The following FOXJ3 variants were observed in gnomAD, a reference collection of about 807,000 sequenced individuals.
The protein encoded by FOXJ3 is forkhead box J3.
A neutral mutation model predicts 76.1 loss-of-function variants in FOXJ3; 22 were observed. The ratio of observed to expected loss-of-function variants is 0.29; its 90% CI spans 0.21 to 0.41. The LOEUF is 0.41. FOXJ3 is among the 10% of genes least tolerant of loss of function. The pLI is 1.00. For missense variants in FOXJ3, 613 were observed against 762.1 expected (o/e 0.80, Z 2.30); for synonymous variants, 269 against 261.2 (o/e 1.03, Z -0.29).
chr1:42,189,098 T>C (rs1207977086), intron 10 of FOXJ3, 170 bp from the exon 11 acceptor site: 1 of 619,170 alleles, frequency 1.6e-6, no homozygotes, highest in Non-Finnish European at 2.7e-6. Context: ...CAAAGCCCAA[T>C]TATTTTAAAT....
At chr1:42,199,261 A>G in intron 6 of FOXJ3, 31 bp from the exon 7 acceptor site, 2 of 1,586,730 alleles carry the variant, frequency 1.3e-6, no homozygotes, top group Non-Finnish European at 1.7e-6. Flanking sequence ...TGACAATTGA[A>G]TATAAGGGTA....
At chr1:42,181,353 G>A (rs1646314034) in intron 12 of FOXJ3, among the ~76,000 whole-genome samples, 1 of 152,164 alleles carries the variant, frequency 6.6e-6, no homozygotes, top group South Asian at 2.1e-4. Flanking sequence ...AAAAGTGTAT[G>A]AACCACTTAA....
intron 4 of FOXJ3, among the ~76,000 whole-genome samples, chr1:42,231,028 A>G (rs1648047586): frequency 6.6e-6 from 1 of 152,130 alleles, no homozygotes; most frequent in Admixed American, 6.5e-5. Flanking sequence ...AAGGAGGGAT[A>G]TTCTGGCCAG....
chr1:42,202,844 G>GT (rs1191498994), intron 6 of FOXJ3, among the ~76,000 whole-genome samples: 2 of 152,058 alleles, frequency 1.3e-5, no homozygotes, highest in African/African-American at 4.8e-5. Flanking sequence ...TCCAAATATT[G>GT]TATTTCTTTA....
In FOXJ3 at chr1:42,304,995, C is replaced by T. The variant is rs556849747; in HGVS notation, c.44+6055G>A. ...TGAAAATATCTGCAAACTACCCATT[C>T]GACAAAGGATTAATAACCAGAATAT... is the stretch of plus-strand genomic sequence containing the variant. On this transcript the variant is annotated intron_variant, in intron 2 of 12. Coordinates refer to ENST00000361346, the MANE Select transcript of FOXJ3 (RefSeq NM_014947.5). Among the ~76,000 whole-genome samples the T allele has an allele frequency of 1.1e-4, 16 of 152,154 alleles. No homozygotes were observed. In the South Asian group the frequency reaches 2.9e-3, roughly 28 times the overall value.
chr1:42,334,088 G>A (rs1216914486), intron 1 of FOXJ3: 1 of 906,700 alleles, frequency 1.1e-6, no homozygotes, highest in African/African-American at 1.8e-5. Context: ...TAAAACCTTT[G>A]CTAACCAGAC....
chr1:42,283,978 A>G (rs1000488936), intron 2 of FOXJ3, among the ~76,000 whole-genome samples: 5 of 152,168 alleles, frequency 3.3e-5, no homozygotes, highest in African/African-American at 1.2e-4. Flanking sequence ...TCGTAAGATG[A>G]TCCTGAACAT....
At chr1:42,191,055 T>C (rs1646531284) in intron 9 of FOXJ3, among the ~76,000 whole-genome samples, 1 of 87,818 alleles carries the variant, frequency 1.1e-5, no homozygotes. Flanking sequence ...ATAATGTATC[T>C]AAATTATAAA....
At chr1:42,324,178 A>C (rs1162329249) in intron 1 of FOXJ3, among the ~76,000 whole-genome samples, 6 of 104,672 alleles carry the variant, frequency 5.7e-5, no homozygotes, top group Non-Finnish European at 1.2e-4. Flanking sequence ...TAGTATATAT[A>C]AATTCTAGGA....
At position 42,324,115 on chromosome 1, in the gene FOXJ3, G is replaced by A. The variant is rs201430011; in HGVS notation, c.-18+10944C>T. On this transcript the variant is annotated intron_variant, in intron 1 of 12. Coordinates refer to ENST00000361346, the MANE Select transcript of FOXJ3 (RefSeq NM_014947.5). ...TGTATATATACTGTGTATATACACT[G>A]TATATACACAGTGTATATACAGTAT... 1.6e-3 allele frequency among the ~76,000 whole-genome samples: 86 copies of A among 52,342 alleles called. 13 individuals are homozygous for A. Among genetic ancestry groups the A allele is most frequent in the South Asian group, 5.0e-3 (6 of 1,208 alleles). The allele number at this position is 52,342 out of a possible 152,430, so 34.3% of individuals were successfully genotyped here.
intron 4 of FOXJ3, chr1:42,264,789 C>A (rs1651342434): frequency 4.4e-6 from 1 of 229,008 alleles, no homozygotes; most frequent in African/African-American, 2.3e-5. Flanking sequence ...CCACTTTTTG[C>A]CAGTTACACA....
chr1:42,310,657 C>T (rs1003980568), intron 2 of FOXJ3, among the ~76,000 whole-genome samples: 1 of 151,788 alleles, frequency 6.6e-6, no homozygotes, highest in Admixed American at 6.6e-5. Context: ...GCCATGTTGG[C>T]CAGGCTGGTC....
At chr1:42,271,822 T>G (rs577474122) in intron 3 of FOXJ3, among the ~76,000 whole-genome samples, 4 of 152,098 alleles carry the variant, frequency 2.6e-5, no homozygotes, top group African/African-American at 9.6e-5. Flanking sequence ...CTAATTTCTT[T>G]TTTTATTTTT....
intron 4 of FOXJ3, among the ~76,000 whole-genome samples, chr1:42,235,837 C>T (rs538128857): frequency 6.6e-6 from 1 of 152,278 alleles, no homozygotes; most frequent in Non-Finnish European, 1.5e-5. Flanking sequence ...CAGGTGTGAG[C>T]CACTGCACCA....
chr1:42,219,423 T>C (rs568835379), intron 5 of FOXJ3, among the ~76,000 whole-genome samples: 116 of 152,332 alleles, frequency 7.6e-4, no homozygotes, highest in African/African-American at 2.7e-3. Context: ...ATGGTATATA[T>C]AGGGTTCAGT....
chr1:42,206,880 T>C (rs577665202), intron 5 of FOXJ3, among the ~76,000 whole-genome samples: 8 of 152,132 alleles, frequency 5.3e-5, no homozygotes, highest in Admixed American at 2.6e-4. Context: ...GCCCAGGCTG[T>C]AGTGCAGTGG....
In FOXJ3 at chr1:42,313,247, G is replaced by A. The variant is rs532388473; in HGVS notation, c.-17-2137C>T. ...AGCTACTTGGGAGGCTGAGACAGGA[G>A]AATCGCTTGAACCTGGGAGGCAGAG... On this transcript the variant is annotated intron_variant, in intron 1 of 12. Transcript: ENST00000361346. 1.2e-4 allele frequency among the ~76,000 whole-genome samples: 18 copies of A among 151,720 alleles called. No homozygotes were observed. The South Asian group carries it at 3.7e-3, about 32-fold the overall frequency.
chr1:42,298,996 C>T (rs572130276), intron 2 of FOXJ3, among the ~76,000 whole-genome samples: 27 of 152,238 alleles, frequency 1.8e-4, no homozygotes, highest in Non-Finnish European at 3.1e-4. Context: ...TTCCACTGTG[C>T]TCCAAAAAGA....
At chr1:42,196,104 T>C (rs942429146) in intron 7 of FOXJ3, among the ~76,000 whole-genome samples, 2 of 152,190 alleles carry the variant, frequency 1.3e-5, no homozygotes, top group African/African-American at 2.4e-5. Context: ...CAGCTGCAGG[T>C]TATAAAACTG....
Sources: gnomAD v4.1 joint callset for allele counts (sites outside exome capture counted in the v4.1 genomes callset) on GRCh38, gnomAD v4.1.1 for gene constraint, MANE v1.5 for transcripts, NCBI Gene and HGNC (gene_info 2026-07-23, HGNC 2026-07-21) for gene names.